Variants in SORCS1 observed in about 807,000 individuals in gnomAD.
The protein encoded by SORCS1 is VPS10 domain-containing receptor SorCS1.
A neutral mutation model predicts 146.1 loss-of-function variants in SORCS1; 60 were observed. The ratio of observed to expected loss-of-function variants is 0.41; its 90% CI spans 0.33 to 0.51. SORCS1 has a LOEUF of 0.51. Among genes scored for constraint, SORCS1 ranks in the 20% least tolerant of loss-of-function variants. The probability of loss-of-function intolerance (pLI) is 0.21; values close to 1 mark genes in which losing one functional copy is unlikely to be tolerated. For missense variants in SORCS1, 1,352 were observed against 1,487.6 expected (o/e 0.91, Z 1.50); for synonymous variants, 637 against 584.0 (o/e 1.09, Z -1.31).
intron 22 of SORCS1, among the ~76,000 whole-genome samples, chr10:106,610,037 G>A (rs929441646): frequency 4.6e-5 from 7 of 152,208 alleles, no homozygotes; most frequent in Non-Finnish European, 8.8e-5. Flanking sequence ...ATGGCTCAGA[G>A]TAGAAAGGCC....
At chr10:106,656,946 A>G (rs1850340950) in intron 17 of SORCS1, among the ~76,000 whole-genome samples, 1 of 152,190 alleles carries the variant, frequency 6.6e-6, no homozygotes, top group African/African-American at 2.4e-5. Context: ...GTCAAAAACA[A>G]TAGATGTTGG....
chr10:107,123,509 C>T (rs931778078), intron 1 of SORCS1, among the ~76,000 whole-genome samples: 2 of 152,152 alleles, frequency 1.3e-5, no homozygotes, highest in Admixed American at 1.3e-4. Flanking sequence ...AAGAGAGAAA[C>T]ACAATAAATA....
chr10:106,802,125 G>A (rs1242200748), intron 3 of SORCS1, among the ~76,000 whole-genome samples: 2 of 152,148 alleles, frequency 1.3e-5, no homozygotes, highest in African/African-American at 4.8e-5. Context: ...TATCTTCTAA[G>A]ACAGAAAGTT....
intron 2 of SORCS1, among the ~76,000 whole-genome samples, chr10:106,905,492 A>G (rs1399550103): frequency 1.3e-5 from 2 of 152,216 alleles, no homozygotes; most frequent in African/African-American, 4.8e-5. Flanking sequence ...CCATAATTAG[A>G]AAACTATTCT....
intron 3 of SORCS1, among the ~76,000 whole-genome samples, chr10:106,815,488 T>C (rs1003618656): frequency 6.6e-6 from 1 of 152,194 alleles, no homozygotes; most frequent in Non-Finnish European, 1.5e-5. Context: ...TTTGTATTTA[T>C]AATAATTGAA....
chr10:106,832,436 G>A (rs1381298919), intron 2 of SORCS1, among the ~76,000 whole-genome samples: 4 of 152,136 alleles, frequency 2.6e-5, no homozygotes, highest in African/African-American at 9.6e-5. Context: ...TGATCCACCC[G>A]CCTCAAACTC....
At chr10:106,770,026 G>C (rs1859895011) in intron 4 of SORCS1, among the ~76,000 whole-genome samples, 1 of 152,228 alleles carries the variant, frequency 6.6e-6, no homozygotes, top group Non-Finnish European at 1.5e-5. Flanking sequence ...CCAGGAAGCA[G>C]AGGTTGCAGT....
At chr10:106,809,066 C>T (rs1947328773) in intron 3 of SORCS1, among the ~76,000 whole-genome samples, 1 of 152,150 alleles carries the variant, frequency 6.6e-6, no homozygotes, top group African/African-American at 2.4e-5. Flanking sequence ...CAAGCCAAGT[C>T]ATCAGACTCA....
At chr10:106,787,165 A>G (rs1946095402) in intron 3 of SORCS1, among the ~76,000 whole-genome samples, 2 of 152,212 alleles carry the variant, frequency 1.3e-5, no homozygotes, top group Admixed American at 6.5e-5. Context: ...TAAGGATCTG[A>G]TATCATGAAA....
intron 24 of SORCS1, among the ~76,000 whole-genome samples, chr10:106,586,581 G>C (rs1467161660): frequency 6.6e-6 from 1 of 152,146 alleles, no homozygotes. Flanking sequence ...GGCTAACTCA[G>C]TCTAGTTACC....
intron 23 of SORCS1, among the ~76,000 whole-genome samples, chr10:106,606,317 A>T (rs961703273): frequency 2.4e-5 from 3 of 125,634 alleles, no homozygotes; most frequent in Non-Finnish European, 3.6e-5. Context: ...ACACACACAC[A>T]CACACTCAAA....
intron 2 of SORCS1, among the ~76,000 whole-genome samples, chr10:106,917,002 C>A (rs1027111664): frequency 6.6e-6 from 1 of 152,214 alleles, no homozygotes; most frequent in Admixed American, 6.5e-5. Context: ...CTCAGCCTCC[C>A]AAAGTGCTGG....
At chr10:106,894,260 C>T (rs1039401588) in intron 2 of SORCS1, among the ~76,000 whole-genome samples, 26 of 137,498 alleles carry the variant, frequency 1.9e-4, no homozygotes, top group Middle Eastern at 3.6e-3. Flanking sequence ...TGTGCGCGCG[C>T]GCACGTGTGC....
At chr10:107,106,176 A>G (rs1965289929) in intron 1 of SORCS1, among the ~76,000 whole-genome samples, 1 of 152,234 alleles carries the variant, frequency 6.6e-6, no homozygotes. Context: ...AGGTACATTC[A>G]GATGATACAA....
chr10:106,661,310 G>C lies in SORCS1; in HGVS notation c.2303+6379C>G, dbSNP rs373117427. ...CAGTAATCAGCTAAACACATTATCTGGCCTGAGTGGCATAAAGGGACAGAC... is the reference window on the plus strand; with the variant it reads ...CAGTAATCAGCTAAACACATTATCTCGCCTGAGTGGCATAAAGGGACAGAC... On this transcript the variant is annotated intron_variant, in intron 17 of 25. Transcript: ENST00000263054. Among the ~76,000 whole-genome samples the C allele has an allele frequency of 2.0e-5, 3 of 152,146 alleles. No individual in the cohort carries two copies. The East Asian group carries it at 5.8e-4, about 29-fold the overall frequency.
intron 1 of SORCS1, among the ~76,000 whole-genome samples, chr10:106,981,314 T>C (rs866764970): frequency 1.2e-4 from 19 of 152,284 alleles, no homozygotes; most frequent in African/African-American, 3.6e-4. Context: ...AATGCTTTCT[T>C]TGGGAGAGTA....
chr10:107,167,852 A>G (rs990663057), upstream of SORCS1, among the ~76,000 whole-genome samples: 1 of 152,122 alleles, frequency 6.6e-6, no homozygotes, highest in African/African-American at 2.4e-5. Flanking sequence ...ATAGAGAAAG[A>G]AGCAGAGGCA....
intron 1 of SORCS1, among the ~76,000 whole-genome samples, chr10:106,965,912 C>T (rs1475246996): frequency 6.6e-6 from 1 of 152,144 alleles, no homozygotes; most frequent in Non-Finnish European, 1.5e-5. Flanking sequence ...CATAGACATG[C>T]TTGAGTTTTT....
intron 2 of SORCS1, among the ~76,000 whole-genome samples, chr10:106,946,298 T>G (rs1954340304): frequency 6.6e-6 from 1 of 152,342 alleles, no homozygotes; most frequent in South Asian, 2.1e-4. Flanking sequence ...GGTCATAGTC[T>G]TTGGATTTCC....
Sources: allele counts gnomAD v4.1 joint callset (sites outside exome capture counted in the v4.1 genomes callset), GRCh38; gene constraint gnomAD v4.1.1; transcripts MANE v1.5; gene names NCBI Gene and HGNC (gene_info 2026-07-23, HGNC 2026-07-21).